CDH18: variants seen among roughly 807,000 people sequenced by gnomAD.
The protein encoded by CDH18 is cadherin-18.
In CDH18, 31 loss-of-function variants were observed where a neutral mutation model predicts 67.9. The observed-to-expected ratio is 0.46, with a 90% CI of 0.34 to 0.62. The LOEUF (loss-of-function observed/expected upper bound fraction) is 0.62, where lower values mean the gene tolerates loss of function less well. Ranked by LOEUF, CDH18 falls within the 20% of genes least tolerant of loss-of-function variation. CDH18 has a pLI of 0.01. For missense variants in CDH18, 890 were observed against 975.5 expected, an observed-to-expected ratio of 0.91 and a Z score of 1.17; for synonymous variants, 362 against 347.2, an observed-to-expected ratio of 1.04 and a Z score of -0.48.
intron 2 of CDH18, among the ~76,000 whole-genome samples, chr5:20,175,873 T>C (rs6865084): frequency 0.55 from 83,224 of 151,754 alleles, 22,957 homozygotes; most frequent in Middle Eastern, 0.68. Context: ...TTAATCTCCT[T>C]TGGCAACACC....
At chr5:19,476,496 T>C (rs1280000392) in intron 12 of CDH18, among the ~76,000 whole-genome samples, 2 of 152,084 alleles carry the variant, frequency 1.3e-5, no homozygotes, top group Admixed American at 6.6e-5. Flanking sequence ...TAACTGCCTG[T>C]GTATTTTAGC....
At chr5:20,001,718 G>A (rs1348925751) in intron 2 of CDH18, among the ~76,000 whole-genome samples, 2 of 151,952 alleles carry the variant, frequency 1.3e-5, no homozygotes, top group South Asian at 2.1e-4. Context: ...ATTTCTCTGC[G>A]GGTCTCTTGC....
intron 2 of CDH18, among the ~76,000 whole-genome samples, chr5:20,066,893 A>G (rs918497094): frequency 1.3e-5 from 2 of 152,006 alleles, no homozygotes; most frequent in Non-Finnish European, 1.5e-5. Flanking sequence ...TGGCCCTTAG[A>G]AAATGGGCTA....
chr5:19,971,314 A>G (rs906764940), intron 2 of CDH18, among the ~76,000 whole-genome samples: 7 of 152,014 alleles, frequency 4.6e-5, no homozygotes, highest in African/African-American at 1.7e-4. Context: ...TGCACCTTCA[A>G]TTGTTCAAGA....
intron 1 of CDH18, among the ~76,000 whole-genome samples, chr5:20,359,392 G>T (rs891347252): frequency 1.3e-5 from 2 of 152,084 alleles, no homozygotes; most frequent in Non-Finnish European, 2.9e-5. Flanking sequence ...CATTTTTTAT[G>T]GAATATAAAG....
chr5:20,089,298 G>A (rs1421829155), intron 2 of CDH18, among the ~76,000 whole-genome samples: 1 of 151,846 alleles, frequency 6.6e-6, no homozygotes, highest in African/African-American at 2.4e-5. Context: ...ATAAAAATCT[G>A]AATGGTCTTT....
chr5:19,942,425 C>T (rs957075106), intron 2 of CDH18, among the ~76,000 whole-genome samples: 1 of 152,142 alleles, frequency 6.6e-6, no homozygotes, highest in South Asian at 2.1e-4. Flanking sequence ...CTCTTTGATT[C>T]TCAATTCATA....
intron 2 of CDH18, among the ~76,000 whole-genome samples, chr5:19,852,290 A>G (rs941589210): frequency 6.6e-6 from 1 of 152,078 alleles, no homozygotes; most frequent in Non-Finnish European, 1.5e-5. Flanking sequence ...GGAAAAGAGC[A>G]TAATGACAAC....
chr5:20,487,354 CTA>C (rs200267236), intron 1 of CDH18, among the ~76,000 whole-genome samples: 31 of 146,414 alleles, frequency 2.1e-4, no homozygotes, highest in African/African-American at 4.2e-4. Flanking sequence ...ATGTATAAAC[CTA>C]TATATATATA....
chr5:19,657,290 C>T (rs1756537119), intron 5 of CDH18, among the ~76,000 whole-genome samples: 2 of 151,864 alleles, frequency 1.3e-5, no homozygotes, highest in African/African-American at 2.4e-5. Flanking sequence ...ATTTAACATT[C>T]AAAGTTTTAA....
rs77788231 is a variant in CDH18 at position 20,316,539 on chromosome 5, G to A, written c.-579-61034C>T. On this transcript the variant is annotated intron_variant, in intron 1 of 14. Coordinates refer to the CDH18 transcript ENST00000507958. Reference sequence around the variant, plus strand: ...AGTTGTAATTGAGGCAGTGCTATTCGGAATAGAAAGCTGTCAAGTTTATTA... The same window carrying A: ...AGTTGTAATTGAGGCAGTGCTATTCAGAATAGAAAGCTGTCAAGTTTATTA... 6.8e-3 allele frequency among the ~76,000 whole-genome samples: 1,029 copies of A among 152,010 alleles called. 6 individuals carry two copies. Among genetic ancestry groups the A allele is most frequent in the South Asian group, 0.027 (129 of 4,824 alleles).
intron 8 of CDH18, among the ~76,000 whole-genome samples, chr5:19,552,196 G>T (rs1737574911): frequency 6.6e-6 from 1 of 152,044 alleles, no homozygotes; most frequent in Non-Finnish European, 1.5e-5. Flanking sequence ...CTTAAAATTG[G>T]TTAGATTTAT....
chr5:20,334,791 C>A (rs184252819), intron 1 of CDH18, among the ~76,000 whole-genome samples: 3 of 149,242 alleles, frequency 2.0e-5, no homozygotes, highest in African/African-American at 7.6e-5. Flanking sequence ...CACACACACA[C>A]AAATGGCTTC....
chr5:19,863,178 A>T (rs1227949196), intron 2 of CDH18, among the ~76,000 whole-genome samples: 1 of 152,092 alleles, frequency 6.6e-6, no homozygotes, highest in Non-Finnish European at 1.5e-5. Flanking sequence ...GGTGTTACCC[A>T]GTGTGAGAGC....
chr5:19,798,418 A>C (rs1414107702), intron 3 of CDH18, among the ~76,000 whole-genome samples: 1 of 152,070 alleles, frequency 6.6e-6, no homozygotes, highest in Non-Finnish European at 1.5e-5. Context: ...TGCTCAATTG[A>C]AACAATGTAA....
At chr5:20,086,934 T>C (rs1174931437) in intron 2 of CDH18, among the ~76,000 whole-genome samples, 7 of 152,160 alleles carry the variant, frequency 4.6e-5, no homozygotes, top group Admixed American at 6.5e-5. Context: ...TACTAAGAAA[T>C]GCATTCCTTA....
chr5:19,782,625 G>A (rs1775257214), intron 3 of CDH18, among the ~76,000 whole-genome samples: 1 of 152,148 alleles, frequency 6.6e-6, no homozygotes, highest in Non-Finnish European at 1.5e-5. Flanking sequence ...CCTAATTTTG[G>A]TGGCAGAATA....
At chr5:19,936,081 A>G (rs1254082432) in intron 2 of CDH18, among the ~76,000 whole-genome samples, 1 of 151,296 alleles carries the variant, frequency 6.6e-6, no homozygotes, top group Non-Finnish European at 1.5e-5. Context: ...CAGCATCTTA[A>G]CACTGAGGCT....
At chr5:19,600,514 A>C (rs144494085) in intron 6 of CDH18, among the ~76,000 whole-genome samples, 158 of 150,022 alleles carry the variant, frequency 1.1e-3, no homozygotes, top group Non-Finnish European at 1.6e-3. Context: ...CTCTAAATTA[A>C]ATTATTTTTT....
Sources: allele counts gnomAD v4.1 joint callset (sites outside exome capture counted in the v4.1 genomes callset), GRCh38; gene constraint gnomAD v4.1.1; transcripts MANE v1.5; gene names NCBI Gene and HGNC (gene_info 2026-07-23, HGNC 2026-07-21).